ZNF804A: variants seen among roughly 807,000 people sequenced by gnomAD.
The protein encoded by ZNF804A is zinc finger protein 804A.
A neutral mutation model predicts 16.5 loss-of-function variants in ZNF804A; 2 were observed. The ratio of observed to expected loss-of-function variants is 0.12; its 90% confidence interval spans 0.05 to 0.38. ZNF804A has a LOEUF of 0.38. Ranked by LOEUF, ZNF804A falls within the 10% of genes least tolerant of loss-of-function variation. The pLI is 0.99. For synonymous variants in ZNF804A, 534 were observed against 489.6 expected, an observed-to-expected ratio of 1.09 and a Z score of -1.20; for missense variants, 1,473 against 1,390.7, an observed-to-expected ratio of 1.06 and a Z score of -0.94.
chr2:184,685,759 C>T (rs571141246), intron 1 of ZNF804A, among the ~76,000 whole-genome samples: 4 of 152,296 alleles, frequency 2.6e-5, no homozygotes, highest in South Asian at 4.1e-4. Flanking sequence ...CTGGAACAGG[C>T]AGCCCGCTTC....
At chr2:184,796,822 G>T (rs963712455) in intron 1 of ZNF804A, among the ~76,000 whole-genome samples, 1 of 152,024 alleles carries the variant, frequency 6.6e-6, no homozygotes, top group African/African-American at 2.4e-5. Context: ...GGGGTAGGTT[G>T]TGTCATTACT....
At chr2:184,861,227 C>A (rs1015808602) in intron 1 of ZNF804A, among the ~76,000 whole-genome samples, 1 of 152,194 alleles carries the variant, frequency 6.6e-6, no homozygotes, top group African/African-American at 2.4e-5. Flanking sequence ...GAAAATATAT[C>A]TCTCCATGCT....
intron 1 of ZNF804A, among the ~76,000 whole-genome samples, chr2:184,676,208 A>C (rs1019168720): frequency 2.6e-5 from 4 of 151,716 alleles, no homozygotes; most frequent in African/African-American, 9.7e-5. Context: ...TACTGAGGAC[A>C]ATATGTCAAG....
At chr2:184,682,397 G>A (rs993314640) in intron 1 of ZNF804A, among the ~76,000 whole-genome samples, 1 of 152,052 alleles carries the variant, frequency 6.6e-6, no homozygotes, top group African/African-American at 2.4e-5. Context: ...ATCATTTTAC[G>A]TGGATGTTAA....
At chr2:184,691,903 A>T in intron 1 of ZNF804A, among the ~76,000 whole-genome samples, 1 of 152,114 alleles carries the variant, frequency 6.6e-6, no homozygotes, top group Non-Finnish European at 1.5e-5. Context: ...CAGAGAAATG[A>T]TCCATAGTTT....
chr2:184,708,291 T>A (rs1693063801), intron 1 of ZNF804A, among the ~76,000 whole-genome samples: 1 of 152,108 alleles, frequency 6.6e-6, no homozygotes, highest in African/African-American at 2.4e-5. Flanking sequence ...TCAATTTTTG[T>A]TTCTGTTGCC....
intron 1 of ZNF804A, among the ~76,000 whole-genome samples, chr2:184,854,741 A>G (rs1695661180): frequency 6.6e-6 from 1 of 152,016 alleles, no homozygotes; most frequent in Admixed American, 6.6e-5. Context: ...GTTAATGATA[A>G]ATAGTAAAAC....
intron 1 of ZNF804A, among the ~76,000 whole-genome samples, chr2:184,715,777 T>C (rs1396965234): frequency 6.6e-6 from 1 of 152,146 alleles, no homozygotes; most frequent in Non-Finnish European, 1.5e-5. Flanking sequence ...TTTTTATGAG[T>C]ATTTTGGTAA....
At chr2:184,780,354 T>G (rs1694354992) in intron 1 of ZNF804A, among the ~76,000 whole-genome samples, 1 of 151,798 alleles carries the variant, frequency 6.6e-6, no homozygotes, top group African/African-American at 2.4e-5. Flanking sequence ...AAATAATAAT[T>G]TATATGCTAC....
intron 1 of ZNF804A, among the ~76,000 whole-genome samples, chr2:184,837,911 A>G (rs1695379282): frequency 6.6e-6 from 1 of 152,108 alleles, no homozygotes; most frequent in African/African-American, 2.4e-5. Flanking sequence ...TAGCCTTAGT[A>G]TGATCACCAT....
chr2:184,659,146 G>A (rs533548738), intron 1 of ZNF804A, among the ~76,000 whole-genome samples: 67 of 152,226 alleles, frequency 4.4e-4, no homozygotes, highest in Admixed American at 1.2e-3. Flanking sequence ...GCTTTTTCTG[G>A]TTCGTCTTGA....
At chr2:184,685,203 C>T (rs1004000645) in intron 1 of ZNF804A, among the ~76,000 whole-genome samples, 3 of 152,068 alleles carry the variant, frequency 2.0e-5, no homozygotes, top group African/African-American at 4.8e-5. Flanking sequence ...GAGGTTGTAG[C>T]TGGACCAGAT....
intron 1 of ZNF804A, among the ~76,000 whole-genome samples, chr2:184,671,837 T>A (rs181724512): frequency 1.3e-5 from 2 of 152,222 alleles, no homozygotes; most frequent in Non-Finnish European, 2.9e-5. Context: ...TTCAGTCCAA[T>A]GAAATGTTTA....
chr2:184,618,903 A>G (rs2105678061), intron 1 of ZNF804A, among the ~76,000 whole-genome samples: 1 of 152,226 alleles, frequency 6.6e-6, no homozygotes, highest in African/African-American at 2.4e-5. Flanking sequence ...ACAGTTTATA[A>G]TGTGTAAGTT....
At position 184,811,512 on chromosome 2, in the gene ZNF804A, G is replaced by A. The variant is rs1415700195; in HGVS notation, c.112-54857G>A. Among the ~76,000 whole-genome samples the A allele has an allele frequency of 2.6e-5, 4 of 152,062 alleles. No homozygotes were observed. The East Asian group carries it at 7.7e-4, about 29-fold the overall frequency. On this transcript the variant is annotated intron_variant, in intron 1 of 3. Transcript: ENST00000302277. ...TTTCTATTTTATTAAAATATATAGAGCATAAAAATACACGCATTATAGTAC... is the reference window on the plus strand; with the variant it reads ...TTTCTATTTTATTAAAATATATAGAACATAAAAATACACGCATTATAGTAC...
At chr2:184,646,496 A>C (rs1014915962) in intron 1 of ZNF804A, among the ~76,000 whole-genome samples, 28 of 152,124 alleles carry the variant, frequency 1.8e-4, no homozygotes, top group African/African-American at 6.5e-4. Context: ...CAGCAACCTG[A>C]CCTGCCCCAC....
At chr2:184,738,878 T>G (rs1693673232) in intron 1 of ZNF804A, among the ~76,000 whole-genome samples, 1 of 152,194 alleles carries the variant, frequency 6.6e-6, no homozygotes, top group African/African-American at 2.4e-5. Context: ...TATAAAACAC[T>G]TCTACAGACA....
At chr2:184,810,418 T>A (rs956039651) in intron 1 of ZNF804A, among the ~76,000 whole-genome samples, 1 of 151,998 alleles carries the variant, frequency 6.6e-6, no homozygotes. Context: ...TTACCCTCAA[T>A]TTGAGAGTCA....
chr2:184,648,586 T>C (rs191568061), intron 1 of ZNF804A, among the ~76,000 whole-genome samples: 61 of 152,090 alleles, frequency 4.0e-4, no homozygotes, highest in Admixed American at 3.6e-3. Flanking sequence ...CAGTAAAGGG[T>C]TGAAGAAAGA....
Sources: allele counts gnomAD v4.1 joint callset (sites outside exome capture counted in the v4.1 genomes callset), GRCh38; gene constraint gnomAD v4.1.1; transcripts MANE v1.5; gene names NCBI Gene and HGNC (gene_info 2026-07-23, HGNC 2026-07-21).